Variants in PTPRT observed in about 807,000 individuals in gnomAD.
The protein encoded by PTPRT is protein tyrosine phosphatase receptor type T.
In PTPRT, 56 loss-of-function variants were observed where a neutral mutation model predicts 176.8. The ratio of observed to expected loss-of-function variants is 0.32; its 90% confidence interval spans 0.26 to 0.40. The LOEUF (loss-of-function observed/expected upper bound fraction) is 0.40. Ranked by LOEUF, PTPRT falls within the 10% of genes least tolerant of loss-of-function variation. The pLI, the probability that PTPRT is intolerant of heterozygous loss-of-function variation, is 1.00. For missense variants in PTPRT, 1,540 were observed against 1,908.2 expected, an observed-to-expected ratio of 0.81 and a Z score of 3.60; for synonymous variants, 783 against 739.0, an observed-to-expected ratio of 1.06 and a Z score of -0.96.
chr20:42,975,190 A>G (rs1193497734), intron 1 of PTPRT, among the ~76,000 whole-genome samples: 1 of 152,226 alleles, frequency 6.6e-6, no homozygotes, highest in Non-Finnish European at 1.5e-5. Context: ...GAAATGAAAA[A>G]CTATCTAATA....
At chr20:43,086,363 C>T (rs1019571736) in intron 1 of PTPRT, among the ~76,000 whole-genome samples, 3 of 152,220 alleles carry the variant, frequency 2.0e-5, no homozygotes, top group Non-Finnish European at 2.9e-5. Flanking sequence ...GTAAGCCCAC[C>T]CTACATCCTT....
chr20:42,756,726 AC>A (rs2145407163), intron 5 of PTPRT, 90 bp from the exon 6 acceptor site: 3 of 1,164,968 alleles, frequency 2.6e-6, no homozygotes, highest in African/African-American at 3.1e-5. Flanking sequence ...CCATCCTCAC[AC>A]CCCTGGGGCT....
chr20:42,035,892 G>A, the PTPRT span, among the ~76,000 whole-genome samples: 1 of 152,194 alleles, frequency 6.6e-6, no homozygotes, highest in African/African-American at 2.4e-5. Flanking sequence ...ATTGCAATGG[G>A]GAGTTCATTC....
At chr20:42,521,307 T>C (rs897097562) in intron 7 of PTPRT, among the ~76,000 whole-genome samples, 6 of 152,126 alleles carry the variant, frequency 3.9e-5, no homozygotes, top group African/African-American at 9.7e-5. Context: ...TACAAATGTA[T>C]TGCCTTTCTT....
chr20:43,000,697 C>A (rs1358446248), intron 1 of PTPRT, among the ~76,000 whole-genome samples: 3 of 151,498 alleles, frequency 2.0e-5, no homozygotes, highest in African/African-American at 4.9e-5. Flanking sequence ...GAAAAAGCAA[C>A]CCAGGAGACA....
the PTPRT span, among the ~76,000 whole-genome samples, chr20:42,042,158 C>A: frequency 1.3e-5 from 2 of 152,162 alleles, no homozygotes; most frequent in Non-Finnish European, 2.9e-5. Context: ...AGGCCCAGAG[C>A]CTCTAAGTTG....
intron 2 of PTPRT, among the ~76,000 whole-genome samples, chr20:42,843,362 A>C (rs779287537): frequency 6.6e-6 from 1 of 152,144 alleles, no homozygotes; most frequent in Non-Finnish European, 1.5e-5. Flanking sequence ...TTGTTTCTCA[A>C]AGCCAGGGAC....
At chr20:42,283,936 T>A (rs1299745714) in intron 12 of PTPRT, among the ~76,000 whole-genome samples, 1 of 152,118 alleles carries the variant, frequency 6.6e-6, no homozygotes, top group Non-Finnish European at 1.5e-5. Context: ...AATCTCATAG[T>A]TATCGCCAAT....
rs569359217 is a variant in PTPRT at position 42,411,414 on chromosome 20, G to A, written c.1560+36806C>T. On this transcript the variant is annotated intron_variant, in intron 9 of 30. Transcript: ENST00000373187. ...CGCCTGTAATCCCAGCTACTCAGGA[G>A]GCTGAGGCAGGAGAATCACTTGAAC... Among the ~76,000 whole-genome samples the A allele has an allele frequency of 2.5e-4, 38 of 151,586 alleles. 1 individual carries two copies. Among genetic ancestry groups the A allele is most frequent in the African/African-American group, 8.2e-4 (34 of 41,364 alleles).
chr20:42,582,601 A>G (rs2073394688), intron 7 of PTPRT, among the ~76,000 whole-genome samples: 1 of 152,156 alleles, frequency 6.6e-6, no homozygotes, highest in African/African-American at 2.4e-5. Context: ...TCACAAAAAG[A>G]GGTTACCTTT....
chr20:42,854,659 A>C (rs2145772466), intron 2 of PTPRT, among the ~76,000 whole-genome samples: 1 of 152,338 alleles, frequency 6.6e-6, no homozygotes, highest in Non-Finnish European at 1.5e-5. Context: ...CAGTAGCTAA[A>C]GCAATCACTG....
intron 7 of PTPRT, among the ~76,000 whole-genome samples, chr20:42,489,408 G>A (rs1165091246): frequency 6.6e-6 from 1 of 151,938 alleles, no homozygotes; most frequent in East Asian, 1.9e-4. Flanking sequence ...GTTGACCTAT[G>A]TGATCACAAC....
intron 7 of PTPRT, among the ~76,000 whole-genome samples, chr20:42,664,614 T>A (rs1446180478): frequency 6.6e-6 from 1 of 152,208 alleles, no homozygotes; most frequent in Non-Finnish European, 1.5e-5. Context: ...TACTATTTGA[T>A]AAGCAATTTT....
chr20:43,144,433 C>T lies in PTPRT; in HGVS notation c.88+45213G>A, dbSNP rs559933775. 3.3e-5 allele frequency among the ~76,000 whole-genome samples: 5 copies of T among 152,288 alleles called. No individual in the cohort carries two copies. The East Asian group carries it at 7.7e-4, about 24-fold the overall frequency. On this transcript the variant is annotated intron_variant, in intron 1 of 30. Transcript: ENST00000373187. ...GTTCTCAGATACAGCCACCTAATCC[C>T]TTCTATCCCCACTGCAATGACTCCC... is the stretch of plus-strand genomic sequence containing the variant.
Position 43,103,836 on chromosome 20 carries a change from A to G in PTPRT, c.88+85810T>C, listed in dbSNP as rs1365367154. Among the ~76,000 whole-genome samples, 3 of 152,092 alleles carry G rather than the reference A, an allele frequency of 2.0e-5. No homozygotes were observed. The East Asian group carries it at 5.8e-4, about 29-fold the overall frequency. On this transcript the variant is annotated intron_variant, in intron 1 of 30. Transcript: ENST00000373187. Reference sequence around the variant, plus strand: ...AAAATCTCAAAAAAACACTGATATAATGTGAAAATCCTGTTCTGGATTCAT... The same window carrying G: ...AAAATCTCAAAAAAACACTGATATAGTGTGAAAATCCTGTTCTGGATTCAT...
intron 6 of PTPRT, among the ~76,000 whole-genome samples, chr20:42,684,967 C>T (rs527466188): frequency 2.7e-4 from 41 of 152,288 alleles, no homozygotes; most frequent in Non-Finnish European, 4.9e-4. Flanking sequence ...AGTATTGATT[C>T]ATTTAGTCTT....
intron 11 of PTPRT, among the ~76,000 whole-genome samples, chr20:42,323,374 T>C (rs1027525151): frequency 1.3e-5 from 2 of 152,086 alleles, no homozygotes; most frequent in Non-Finnish European, 2.9e-5. Context: ...TGTCCAACAA[T>C]GATAGACTGG....
intron 1 of PTPRT, among the ~76,000 whole-genome samples, chr20:42,955,537 C>T (rs1458921189): frequency 6.6e-6 from 1 of 152,138 alleles, no homozygotes; most frequent in Admixed American, 6.5e-5. Flanking sequence ...GGGGCATAAC[C>T]GTAATTAGTA....
intron 7 of PTPRT, among the ~76,000 whole-genome samples, chr20:42,618,239 C>A (rs200217709): frequency 0.016 from 1,855 of 114,664 alleles, 30 homozygotes; most frequent in Middle Eastern, 0.03. Flanking sequence ...GTTTCCATGT[C>A]GTTGAGCGGC....
Sources: allele counts gnomAD v4.1 joint callset (sites outside exome capture counted in the v4.1 genomes callset), GRCh38; gene constraint gnomAD v4.1.1; transcripts MANE v1.5; gene names NCBI Gene and HGNC (gene_info 2026-07-23, HGNC 2026-07-21).